FGF14: variants seen among roughly 807,000 people sequenced by gnomAD.
FGF14 encodes the protein fibroblast growth factor 14.
A neutral mutation model predicts 25.5 loss-of-function variants in FGF14; 5 were observed. That is an observed-to-expected ratio of 0.20 (90% CI 0.10 to 0.41). The LOEUF (loss-of-function observed/expected upper bound fraction) is 0.41, where lower values mean the gene tolerates loss of function less well. Ranked by LOEUF, FGF14 falls within the 10% of genes least tolerant of loss-of-function variation. The pLI is 1.00. For synonymous variants in FGF14, 138 were observed against 118.3 expected (o/e 1.17, Z -1.08); for missense variants, 222 against 320.1 (o/e 0.69, Z 2.34).
intron 1 of FGF14, among the ~76,000 whole-genome samples, chr13:102,391,139 A>G (rs985325759): frequency 2.0e-5 from 3 of 152,238 alleles, no homozygotes; most frequent in Non-Finnish European, 4.4e-5. Context: ...GAGTAAGTTG[A>G]TGACAAAATT....
chr13:101,780,409 C>CT (rs1376339453), intron 3 of FGF14, among the ~76,000 whole-genome samples: 1 of 152,028 alleles, frequency 6.6e-6, no homozygotes, highest in African/African-American at 2.4e-5. Context: ...TATGCTCTAA[C>CT]TTTTTTTTCT....
chr13:102,252,926 T>C (rs1566865870), intron 1 of FGF14, among the ~76,000 whole-genome samples: 2 of 152,204 alleles, frequency 1.3e-5, no homozygotes, highest in Admixed American at 6.5e-5. Context: ...GATGTTTGGT[T>C]TTCTGTTCTT....
At chr13:102,139,692 A>G (rs1214074871) in intron 1 of FGF14, among the ~76,000 whole-genome samples, 4 of 152,130 alleles carry the variant, frequency 2.6e-5, no homozygotes, top group African/African-American at 4.8e-5. Flanking sequence ...GGCACTGGGC[A>G]GAGGAGTGAG....
At chr13:102,321,654 A>T (rs988772571) in intron 1 of FGF14, among the ~76,000 whole-genome samples, 2 of 152,146 alleles carry the variant, frequency 1.3e-5, no homozygotes, top group African/African-American at 4.8e-5. Flanking sequence ...CTTACATTTC[A>T]CTAATTTTGA....
At chr13:102,374,644 TTA>T (rs55670716) in intron 1 of FGF14, among the ~76,000 whole-genome samples, 746 of 48,782 alleles carry the variant, frequency 0.015, 3 homozygotes, top group South Asian at 0.02. Context: ...CTTACATATT[TTA>T]TATATATATA....
chr13:102,282,063 C>CTTTTT, intron 1 of FGF14, among the ~76,000 whole-genome samples: 1 of 89,812 alleles, frequency 1.1e-5, no homozygotes. Flanking sequence ...AACCCTGCTT[C>CTTTTT]TTTTTTTTTT....
intron 1 of FGF14, among the ~76,000 whole-genome samples, chr13:102,345,245 A>C (rs1259136289): frequency 6.6e-6 from 1 of 152,218 alleles, no homozygotes; most frequent in African/African-American, 2.4e-5. Context: ...TCATTTTAAT[A>C]ATAAGTATTA....
At chr13:102,153,964 T>G (rs1005320884) in intron 1 of FGF14, among the ~76,000 whole-genome samples, 2 of 152,226 alleles carry the variant, frequency 1.3e-5, no homozygotes, top group Non-Finnish European at 2.9e-5. Flanking sequence ...CTCTCTATTG[T>G]AGCTTCAAGG....
intron 1 of FGF14, among the ~76,000 whole-genome samples, chr13:102,137,811 T>C (rs950096740): frequency 3.3e-5 from 5 of 151,728 alleles, no homozygotes; most frequent in Admixed American, 6.6e-5. Context: ...TTCAAGTGGG[T>C]AAGGCTTTGT....
rs1402247939 is a variant in FGF14 at position 101,717,189 on chromosome 13, A to G, written c.*5642T>C. 1.3e-5 allele frequency: 2 copies of G among 152,116 alleles called. No individual in the cohort carries two copies. The highest frequency in any genetic ancestry group is 6.6e-5 in the Admixed American group (1 of 15,266). 9.4% of individuals were successfully genotyped at this position (152,116 alleles called of 1,614,324 possible). On this transcript the variant is annotated 3_prime_UTR_variant, in exon 5 of 5. Coordinates refer to ENST00000376143, the MANE Select transcript of FGF14 (RefSeq NM_004115.4). ...AGTCAAATTTCCAAAAATAAGGAAA[A>G]TATGCATCCACTGAGTTACTTAAAA...
Position 102,108,653 on chromosome 13 carries a change from TC to T in FGF14, c.209-233358del, listed in dbSNP as rs141611202. On this transcript the variant is annotated intron_variant, in intron 1 of 4. Coordinates refer to the FGF14 transcript ENST00000376131. The stretch of plus-strand genomic sequence containing the variant: ...TAGATGCAAGGGTGTGTATATAAGT[TC>T]ATGTATAGAAATAGGTATGGATAAT... 2.8e-3 allele frequency among the ~76,000 whole-genome samples: 431 copies of T among 152,318 alleles called. 1 individual carries two copies. The highest frequency in any genetic ancestry group is 4.3e-3 in the Non-Finnish European group (291 of 68,024).
In FGF14 at chr13:101,969,060, C is replaced by T. The variant is rs577214627; in HGVS notation, c.209-93764G>A. 2.6e-5 allele frequency among the ~76,000 whole-genome samples: 4 copies of T among 152,166 alleles called. No individual in the cohort carries two copies. The South Asian group carries it at 6.2e-4, about 24-fold the overall frequency. On this transcript the variant is annotated intron_variant, in intron 1 of 4. Transcript: ENST00000376131. ...ACTAGTTGAAAGAAACAAGGATGGT[C>T]AGTGGAAGGGGAGGTAAGGAAAATC...
chr13:101,900,691 A>C (rs992688513), intron 1 of FGF14, among the ~76,000 whole-genome samples: 3 of 152,164 alleles, frequency 2.0e-5, no homozygotes, highest in African/African-American at 7.2e-5. Context: ...TTGGAAAAGC[A>C]CATGAGGAGC....
At chr13:102,033,738 C>G (rs2041332185) in intron 1 of FGF14, among the ~76,000 whole-genome samples, 1 of 152,126 alleles carries the variant, frequency 6.6e-6, no homozygotes. Flanking sequence ...CTCACTGGCT[C>G]TAAAGCATTT....
chr13:102,401,440 A>T (rs1483660090), intron 1 of FGF14: 1 of 1,604,738 alleles, frequency 6.2e-7, no homozygotes, highest in Non-Finnish European at 8.5e-7. Flanking sequence ...TATTATGAGG[A>T]AAAACATAAC....
intron 1 of FGF14, among the ~76,000 whole-genome samples, chr13:102,169,118 G>T (rs1594257427): frequency 6.6e-6 from 1 of 150,578 alleles, no homozygotes; most frequent in African/African-American, 2.5e-5. Context: ...TGTAAGATTC[G>T]TAAGCTTTAG....
At chr13:101,724,632 A>T (rs2035266243) in intron 4 of FGF14, among the ~76,000 whole-genome samples, 1 of 133,440 alleles carries the variant, frequency 7.5e-6, no homozygotes, top group African/African-American at 2.7e-5. Context: ...ATATATATAT[A>T]AAACAAAGAT....
intron 1 of FGF14, among the ~76,000 whole-genome samples, chr13:102,172,471 T>C (rs779817576): frequency 1.8e-4 from 27 of 152,088 alleles, no homozygotes; most frequent in Non-Finnish European, 2.8e-4. Context: ...GTCAGTAATG[T>C]AGTGACATAC....
chr13:102,156,841 AT>A (rs1285500136), intron 1 of FGF14, among the ~76,000 whole-genome samples: 2 of 152,222 alleles, frequency 1.3e-5, no homozygotes, highest in African/African-American at 4.8e-5. Context: ...ATGTGCAAAA[AT>A]CACAAGCATT....
Sources: gnomAD v4.1 joint callset for allele counts (sites outside exome capture counted in the v4.1 genomes callset) on GRCh38, gnomAD v4.1.1 for gene constraint, MANE v1.5 for transcripts, NCBI Gene and HGNC (gene_info 2026-07-23, HGNC 2026-07-21) for gene names.